TRAPPC9: variants seen among roughly 807,000 people sequenced by gnomAD.
TRAPPC9 encodes trafficking protein particle complex subunit 9.
In TRAPPC9, 83 loss-of-function variants were observed where a neutral mutation model predicts 124.0. That is an observed-to-expected ratio of 0.67 (90% confidence interval 0.56 to 0.80). TRAPPC9 has a LOEUF of 0.80. TRAPPC9 is among the 30% of genes least tolerant of loss of function. The pLI is 0.00. For synonymous variants in TRAPPC9, 638 were observed against 617.5 expected (o/e 1.03, Z -0.49); for missense variants, 1,302 against 1,508.3 (o/e 0.86, Z 2.27).
intron 19 of TRAPPC9, among the ~76,000 whole-genome samples, chr8:139,915,188 C>A (rs901988063): frequency 4.6e-5 from 7 of 152,172 alleles, no homozygotes; most frequent in African/African-American, 9.7e-5. Flanking sequence ...CAGGGGTCTG[C>A]CCAGCAAGGT....
At chr8:139,875,500 TA>T (rs1829262767) in intron 21 of TRAPPC9, among the ~76,000 whole-genome samples, 1 of 152,100 alleles carries the variant, frequency 6.6e-6, no homozygotes, top group Non-Finnish European at 1.5e-5. Context: ...AAAAAGAAGG[TA>T]ACTACTTTTG....
chr8:139,971,948 A>G (rs1255301341), intron 19 of TRAPPC9, among the ~76,000 whole-genome samples: 1 of 151,856 alleles, frequency 6.6e-6, no homozygotes, highest in African/African-American at 2.4e-5. Flanking sequence ...CAGCCTCTCA[A>G]GTTGCTGGGA....
intron 20 of TRAPPC9, among the ~76,000 whole-genome samples, chr8:139,899,138 A>AG (rs1830858325): frequency 6.6e-6 from 1 of 151,248 alleles, no homozygotes; most frequent in Admixed American, 6.6e-5. Flanking sequence ...AAAAAAAAAA[A>AG]AAAAGAATTT....
In TRAPPC9 at chr8:139,910,214, A is replaced by G. The variant is rs757195488; in HGVS notation, c.2897T>C (p.Leu966Pro). Reference protein sequence around the residue: ...EKGQFANPKQLEEERREARGL... With the variant: ...EKGQFANPKQPEEERREARGL... ...TCGGGCTTCCCGCCGCTCTTCCTCC[A>G]GCTGCTTGGGGTTTGCAAATTGCCC... The change falls in exon 20 of 23, where the codon CTG becomes CCG. Residue 966 changes from leucine (L) to proline (P), a missense_variant. Physicochemically the swap from Leu to Pro is moderately conservative, Grantham distance 98. Transcript: ENST00000438773. 2.5e-6 allele frequency: 4 copies of G among 1,614,046 alleles called. No individual in the cohort carries two copies. The highest frequency in any genetic ancestry group is 2.7e-5 in the African/African-American group (2 of 74,928).
At chr8:139,989,756 G>A (rs531506961) in intron 18 of TRAPPC9, among the ~76,000 whole-genome samples, 68 of 152,286 alleles carry the variant, frequency 4.5e-4, no homozygotes, top group Non-Finnish European at 4.0e-4. Context: ...CTCTCTAGCC[G>A]TGTGAGCTCC....
At chr8:140,414,566 T>A (rs1402777428) in intron 5 of TRAPPC9, among the ~76,000 whole-genome samples, 1 of 152,020 alleles carries the variant, frequency 6.6e-6, no homozygotes, top group Non-Finnish European at 1.5e-5. Context: ...AATAAATAAC[T>A]GAAATCATTT....
intron 21 of TRAPPC9, among the ~76,000 whole-genome samples, chr8:139,883,557 T>C (rs1829812794): frequency 1.3e-5 from 2 of 152,240 alleles, no homozygotes; most frequent in African/African-American, 4.8e-5. Flanking sequence ...ACCAACTTCC[T>C]AGTCCTGGCT....
intron 17 of TRAPPC9, among the ~76,000 whole-genome samples, chr8:140,175,902 T>C (rs567091802): frequency 6.6e-6 from 1 of 152,252 alleles, no homozygotes; most frequent in African/African-American, 2.4e-5. Context: ...GCCATCCTAC[T>C]GAACATACAC....
At chr8:139,888,054 G>T (rs1235341203) in intron 20 of TRAPPC9, among the ~76,000 whole-genome samples, 1 of 152,138 alleles carries the variant, frequency 6.6e-6, no homozygotes, top group Non-Finnish European at 1.5e-5. Context: ...CACTGCTCAG[G>T]GTCTTCTTGC....
intron 21 of TRAPPC9, among the ~76,000 whole-genome samples, chr8:139,868,149 A>C (rs1296125276): frequency 2.0e-5 from 3 of 152,202 alleles, no homozygotes; most frequent in Non-Finnish European, 4.4e-5. Flanking sequence ...GCCAGAGGTC[A>C]GGAGTTCAAG....
intron 1 of TRAPPC9, among the ~76,000 whole-genome samples, chr8:140,454,717 T>A (rs1396384756): frequency 6.8e-6 from 1 of 146,910 alleles, no homozygotes; most frequent in African/African-American, 2.5e-5. Flanking sequence ...GTCGAGTGGA[T>A]CGCCTGAGGT....
chr8:140,288,441 G>A (rs897911743), intron 12 of TRAPPC9, among the ~76,000 whole-genome samples: 3 of 152,212 alleles, frequency 2.0e-5, no homozygotes, highest in African/African-American at 7.2e-5. Context: ...TACTAGTACA[G>A]GCACTAAGCT....
intron 19 of TRAPPC9, among the ~76,000 whole-genome samples, chr8:139,963,929 T>A (rs1005016888): frequency 2.0e-5 from 3 of 152,052 alleles, no homozygotes; most frequent in African/African-American, 7.2e-5. Context: ...TATAAAAAAA[T>A]TATGTTTGTT....
intron 16 of TRAPPC9, among the ~76,000 whole-genome samples, chr8:140,238,168 C>G (rs540032124): frequency 6.6e-6 from 1 of 152,196 alleles, no homozygotes; most frequent in Non-Finnish European, 1.5e-5. Context: ...CAGGAGACGT[C>G]GGTTCCGGCT....
At chr8:139,807,524 A>G (rs1196293810) in intron 21 of TRAPPC9, among the ~76,000 whole-genome samples, 1 of 152,172 alleles carries the variant, frequency 6.6e-6, no homozygotes, top group Non-Finnish European at 1.5e-5. Context: ...CTTAATCACC[A>G]ACAAAAATCT....
intron 19 of TRAPPC9, 108 bp from the exon 20 acceptor site, chr8:139,910,408 C>T (rs568276136): frequency 1.1e-5 from 12 of 1,128,150 alleles, no homozygotes; most frequent in East Asian, 7.1e-5. Context: ...GAATCATTAT[C>T]GTTAGTAATT....
At chr8:140,332,590 T>G (rs1441931894) in intron 9 of TRAPPC9, among the ~76,000 whole-genome samples, 1 of 152,098 alleles carries the variant, frequency 6.6e-6, no homozygotes, top group Non-Finnish European at 1.5e-5. Flanking sequence ...CATAAACATA[T>G]ACAATTACTG....
chr8:140,202,302 C>T (rs55707943), intron 17 of TRAPPC9, among the ~76,000 whole-genome samples: 36,783 of 151,860 alleles, frequency 0.24, 4,672 homozygotes, highest in Admixed American at 0.27. Context: ...AGTGAATCAA[C>T]GGAAATCCAT....
At chr8:140,358,557 C>G (rs1353527533) in intron 9 of TRAPPC9, among the ~76,000 whole-genome samples, 3 of 152,240 alleles carry the variant, frequency 2.0e-5, no homozygotes, top group Non-Finnish European at 4.4e-5. Context: ...GCACACCCCA[C>G]GTTACCCTGG....
Sources: allele counts gnomAD v4.1 joint callset (sites outside exome capture counted in the v4.1 genomes callset), GRCh38; gene constraint gnomAD v4.1.1; transcripts MANE v1.5; gene names NCBI Gene and HGNC (gene_info 2026-07-23, HGNC 2026-07-21).